Variants in SKAP2 observed in about 807,000 individuals in gnomAD.
SKAP2 encodes the protein src kinase associated phosphoprotein 2.
In SKAP2, 28 loss-of-function variants were observed where a neutral mutation model predicts 54.9. That is an observed-to-expected ratio of 0.51 (90% CI 0.38 to 0.70). SKAP2 has a LOEUF of 0.70. SKAP2 is among the 30% of genes least tolerant of loss of function. The pLI is 0.00. For synonymous variants in SKAP2, 137 were observed against 134.3 expected (o/e 1.02, Z -0.14); for missense variants, 356 against 424.1 (o/e 0.84, Z 1.41).
intron 6 of SKAP2, among the ~76,000 whole-genome samples, chr7:26,736,540 G>A (rs1245579565): frequency 1.3e-5 from 2 of 152,190 alleles, no homozygotes; most frequent in East Asian, 1.9e-4. Flanking sequence ...AACAATAAGT[G>A]TAAGCAGCTG....
intron 4 of SKAP2, among the ~76,000 whole-genome samples, chr7:26,762,284 T>TA (rs1253170726): frequency 2.0e-5 from 3 of 151,884 alleles, no homozygotes; most frequent in Non-Finnish European, 4.4e-5. Context: ...AAATTAAAAT[T>TA]AAAATTAAAA....
chr7:26,833,397 CAA>C (rs1218013639), intron 4 of SKAP2, among the ~76,000 whole-genome samples: 10 of 85,104 alleles, frequency 1.2e-4, no homozygotes, highest in Admixed American at 5.5e-4. Context: ...GACTCCGTCT[CAA>C]AAAAAAAAAA....
At chr7:26,828,969 C>T (rs915558522) in intron 4 of SKAP2, among the ~76,000 whole-genome samples, 8 of 151,820 alleles carry the variant, frequency 5.3e-5, no homozygotes, top group Admixed American at 3.3e-4. Context: ...GCAGAGGTTG[C>T]GGTGAGCTAA....
At chr7:26,695,891 T>TG (rs1786884743) in intron 9 of SKAP2, among the ~76,000 whole-genome samples, 2 of 152,030 alleles carry the variant, frequency 1.3e-5, no homozygotes, top group African/African-American at 2.4e-5. Context: ...AGAGGTGACA[T>TG]GGGGGAACAG....
intron 4 of SKAP2, among the ~76,000 whole-genome samples, chr7:26,808,143 C>T (rs12333525): frequency 0.21 from 32,600 of 152,006 alleles, 3,587 homozygotes; most frequent in Non-Finnish European, 0.24. Flanking sequence ...ATAATTAATA[C>T]ATCTGTATAG....
intron 4 of SKAP2, among the ~76,000 whole-genome samples, chr7:26,745,072 G>A (rs1402447479): frequency 1.3e-5 from 2 of 152,012 alleles, no homozygotes; most frequent in Non-Finnish European, 2.9e-5. Context: ...CTAGGTTTCT[G>A]AGCTTCACCT....
intron 3 of SKAP2, among the ~76,000 whole-genome samples, chr7:26,848,912 A>G (rs980697387): frequency 1.3e-5 from 2 of 152,246 alleles, no homozygotes; most frequent in Admixed American, 6.5e-5. Context: ...ACTGGGGCAG[A>G]GCTTTAAAAT....
chr7:26,857,789 CTT>C (rs1785203820), intron 1 of SKAP2: 1 of 946,018 alleles, frequency 1.1e-6, no homozygotes, highest in Non-Finnish European at 1.3e-6. Flanking sequence ...CAATAAGAGT[CTT>C]GGGCGAATCA....
intron 9 of SKAP2, among the ~76,000 whole-genome samples, chr7:26,697,368 C>T (rs1786918462): frequency 6.6e-6 from 1 of 152,068 alleles, no homozygotes; most frequent in African/African-American, 2.4e-5. Context: ...AGGTCAGATT[C>T]GGTTGGTCAG....
At chr7:26,665,247 C>T (rs1289192217), downstream of SKAP2, among the ~76,000 whole-genome samples, 2 of 152,088 alleles carry the variant, frequency 1.3e-5, no homozygotes, top group South Asian at 2.1e-4. Flanking sequence ...CCAAGCTGCC[C>T]GAGGAGGCAC....
At chr7:26,859,851 A>G (rs1020946474) in intron 1 of SKAP2, among the ~76,000 whole-genome samples, 1 of 152,250 alleles carries the variant, frequency 6.6e-6, no homozygotes, top group African/African-American at 2.4e-5. Context: ...ATGTAAATTC[A>G]GTGGAATGAA....
chr7:26,818,828 T>C (rs1192174486), intron 4 of SKAP2, among the ~76,000 whole-genome samples: 1 of 152,138 alleles, frequency 6.6e-6, no homozygotes, highest in Non-Finnish European at 1.5e-5. Flanking sequence ...GGAAAGCTCA[T>C]CATCACTGGT....
chr7:26,784,186 A>C (rs1361867962), intron 4 of SKAP2, among the ~76,000 whole-genome samples: 1 of 151,980 alleles, frequency 6.6e-6, no homozygotes, highest in Non-Finnish European at 1.5e-5. Flanking sequence ...TAAAGCCCTA[A>C]ACATCTTCCT....
chr7:26,836,144 A>G (rs1186977026), intron 4 of SKAP2, among the ~76,000 whole-genome samples: 1 of 152,232 alleles, frequency 6.6e-6, no homozygotes, highest in African/African-American at 2.4e-5. Flanking sequence ...AGCCATATGC[A>G]GAAAACTGAA....
At chr7:26,711,961 A>T (rs1787317983) in intron 9 of SKAP2, among the ~76,000 whole-genome samples, 1 of 152,162 alleles carries the variant, frequency 6.6e-6, no homozygotes, top group Non-Finnish European at 1.5e-5. Context: ...AATCAGGAGT[A>T]ACTGGCAACT....
intron 4 of SKAP2, among the ~76,000 whole-genome samples, chr7:26,762,444 G>A (rs1353799567): frequency 1.3e-5 from 2 of 151,950 alleles, no homozygotes; most frequent in Admixed American, 6.6e-5. Context: ...ACACATACAC[G>A]TGTATGTAAA....
intron 4 of SKAP2, among the ~76,000 whole-genome samples, chr7:26,778,593 C>T (rs1783362367): frequency 6.6e-6 from 1 of 151,956 alleles, no homozygotes; most frequent in Non-Finnish European, 1.5e-5. Context: ...TGGTCAAAGT[C>T]ATTAGTTCAG....
At chr7:26,832,062 G>A (rs769315111) in intron 4 of SKAP2, among the ~76,000 whole-genome samples, 1 of 151,946 alleles carries the variant, frequency 6.6e-6, no homozygotes, top group Non-Finnish European at 1.5e-5. Context: ...CTAAATTCTA[G>A]TTCAAACTCC....
intron 4 of SKAP2, among the ~76,000 whole-genome samples, chr7:26,780,398 G>C (rs1783402551): frequency 6.6e-6 from 1 of 151,944 alleles, no homozygotes; most frequent in South Asian, 2.1e-4. Flanking sequence ...TGTTGCATAG[G>C]GGCTATCTAG....
Sources: allele counts gnomAD v4.1 joint callset (sites outside exome capture counted in the v4.1 genomes callset), GRCh38; gene constraint gnomAD v4.1.1; transcripts MANE v1.5; gene names NCBI Gene and HGNC (gene_info 2026-07-23, HGNC 2026-07-21).